MINK1: variants seen among roughly 807,000 people sequenced by gnomAD.
The protein encoded by MINK1 is misshapen-like kinase 1.
Under a neutral mutation model 178.4 loss-of-function variants are expected in MINK1, and 46 were observed. The observed-to-expected ratio is 0.26, with a 90% CI of 0.20 to 0.33. The LOEUF is 0.33. Ranked by LOEUF, MINK1 falls within the 10% of genes least tolerant of loss-of-function variation. The pLI, the probability that MINK1 is intolerant of heterozygous loss-of-function variation, is 1.00. For synonymous variants in MINK1, 797 were observed against 709.7 expected, an observed-to-expected ratio of 1.12 and a Z score of -1.96; for missense variants, 1,366 against 1,814.9, an observed-to-expected ratio of 0.75 and a Z score of 4.49.
chr17:4,860,414 C>G (rs556597687), intron 1 of MINK1, among the ~76,000 whole-genome samples: 1 of 152,206 alleles, frequency 6.6e-6, no homozygotes. Context: ...CAGTTCGTGT[C>G]CCAGCCTCCC....
rs1391163160 is a variant in MINK1, at chr17:4,896,173, TCTC to T, written c.3466-15_3466-13del. The stretch of plus-strand genomic sequence containing the variant: ...CTCTCCCCGTGCCCCTGAGCCCTCC[TCTC>T]CTCCGGTTCTCTGCAGTCCTTTGCC... On this transcript the variant is annotated splice_polypyrimidine_tract_variant and intron_variant, in intron 28 of 31. Coordinates refer to ENST00000355280, the MANE Select transcript of MINK1 (RefSeq NM_153827.5). The surrounding 1 kb of genome is among the most constrained non-coding windows in gnomAD (Gnocchi z 4.6). The T allele has an allele frequency of 6.2e-7, 1 of 1,600,028 alleles. No individual in the cohort carries two copies. The highest frequency in any genetic ancestry group is 8.5e-7 in the Non-Finnish European group (1 of 1,172,440).
intron 16 of MINK1, 127 bp downstream of exon 16, chr17:4,891,843 C>T (rs2151047950): frequency 7.4e-7 from 1 of 1,346,764 alleles, no homozygotes; most frequent in South Asian, 1.5e-5. Flanking sequence ...CAGGGCGCTG[C>T]CCTGCCGGGG....
In MINK1 at chr17:4,891,995, G is replaced by A. The variant is rs565143446; in HGVS notation, c.2002-154G>A. Among the ~76,000 whole-genome samples, 311 of 152,238 alleles carry A rather than the reference G, an allele frequency of 2.0e-3. 1 individual carries two copies. The highest frequency in any genetic ancestry group is 0.015 in the South Asian group (74 of 4,822). On this transcript the variant is annotated intron_variant, in intron 16 of 31. Coordinates refer to ENST00000355280, the MANE Select transcript of MINK1 (RefSeq NM_153827.5). The stretch of plus-strand genomic sequence containing the variant: ...TAGAACCGCAGCTCCACCATCATCC[G>A]GCTTCATAACCCTGGACGTATTCAC...
In MINK1 at chr17:4,896,804, G is replaced by A; in HGVS notation, c.3906G>A (p.Arg1302=). Residue 1302 remains arginine (R), a synonymous_variant, in exon 31 of 32, where the codon CGG becomes CGA. Coordinates refer to ENST00000355280, the MANE Select transcript of MINK1 (RefSeq NM_153827.5). This position sits in a 1 kb window ranked among gnomAD's most constrained non-coding sequence, Gnocchi z 4.6. The part of the protein sequence containing the change: ...RAQRLKFLCE[R]NDKVFFASVR... ...AGAGGCTCAAGTTCCTGTGTGAGCGGAATGACAAGGTGGGAGGCTCCTTCC... is the reference window on the plus strand; with the variant it reads ...AGAGGCTCAAGTTCCTGTGTGAGCGAAATGACAAGGTGGGAGGCTCCTTCC... 2 of 1,564,574 alleles carry A rather than the reference G, an allele frequency of 1.3e-6. No homozygotes were observed. Among genetic ancestry groups the A allele is most frequent in the Non-Finnish European group, 1.7e-6 (2 of 1,155,830 alleles).
At chr17:4,847,230 GTTCATTCATTCA>G (rs59076401) in intron 1 of MINK1, 16 of 461,002 alleles carry the variant, frequency 3.5e-5, no homozygotes, top group East Asian at 2.0e-4. Context: ...TTTGGTTCCA[GTTCATTCATTCA>G]TTCATTCATT....
At chr17:4,876,530 A>G (rs1261655484) in intron 1 of MINK1, among the ~76,000 whole-genome samples, 2 of 151,870 alleles carry the variant, frequency 1.3e-5, no homozygotes, top group Admixed American at 1.3e-4. Flanking sequence ...TGGGCTTATT[A>G]CTTCAGTGGA....
chr17:4,877,701 A>AC (rs1170673328), intron 1 of MINK1, among the ~76,000 whole-genome samples: 1 of 148,080 alleles, frequency 6.8e-6, no homozygotes, highest in Non-Finnish European at 1.5e-5. Flanking sequence ...GTACTCGGGC[A>AC]CCCTCATTTT....
intron 1 of MINK1, among the ~76,000 whole-genome samples, chr17:4,872,956 C>G (rs963115406): frequency 6.6e-6 from 1 of 152,198 alleles, no homozygotes; most frequent in Non-Finnish European, 1.5e-5. Context: ...CCCTCATTTC[C>G]TCAGCACAGC....
intron 1 of MINK1, among the ~76,000 whole-genome samples, chr17:4,862,032 A>G (rs563652108): frequency 2.0e-5 from 3 of 152,216 alleles, no homozygotes; most frequent in Non-Finnish European, 4.4e-5. Flanking sequence ...TTCTCATTCC[A>G]TGTATACCCA....
chr17:4,878,807 G>A (rs1967433365), intron 2 of MINK1, among the ~76,000 whole-genome samples: 1 of 152,214 alleles, frequency 6.6e-6, no homozygotes, highest in African/African-American at 2.4e-5. Flanking sequence ...AGGGGATGTG[G>A]CCTCTGCTCC....
chr17:4,843,529 T>C (rs1018118028), intron 1 of MINK1, among the ~76,000 whole-genome samples: 48 of 152,190 alleles, frequency 3.2e-4, no homozygotes, highest in African/African-American at 1.1e-3. Context: ...TGGTTGGTTC[T>C]AGTAAGTCCT....
intron 1 of MINK1, among the ~76,000 whole-genome samples, chr17:4,839,082 T>C (rs945439379): frequency 6.6e-6 from 1 of 152,180 alleles, no homozygotes; most frequent in South Asian, 2.1e-4. Context: ...TAGCTGGGAC[T>C]ATAGGCGCCC....
At chr17:4,857,328 C>A in intron 1 of MINK1, 1 of 167,304 alleles carries the variant, frequency 6.0e-6, no homozygotes. Flanking sequence ...GGCCATAGCA[C>A]CCGAGATGGT....
At chr17:4,889,603 C>G (rs1259532032) in intron 12 of MINK1, 44 bp from the exon 13 acceptor site, 4 of 1,497,982 alleles carry the variant, frequency 2.7e-6, no homozygotes, top group South Asian at 2.4e-5. Context: ...AGTGCTGACG[C>G]GATGTCCGGT....
chr17:4,845,748 G>A (rs1347770512), intron 1 of MINK1, among the ~76,000 whole-genome samples: 1 of 151,930 alleles, frequency 6.6e-6, no homozygotes, highest in African/African-American at 2.4e-5. Context: ...CGATTCTCCT[G>A]CCTCAGCCTC....
chr17:4,875,944 C>T lies in MINK1; in HGVS notation c.58-2373C>T, dbSNP rs1967144861. ...CCGAGTAGCTGTGAATATAGGTGCCCGCCACCACGCCCAGCTAATTTTTTG... is the reference window on the plus strand; with the variant it reads ...CCGAGTAGCTGTGAATATAGGTGCCTGCCACCACGCCCAGCTAATTTTTTG... On this transcript the variant is annotated intron_variant, in intron 1 of 31. Transcript: ENST00000355280. 2.0e-5 allele frequency among the ~76,000 whole-genome samples: 3 copies of T among 151,286 alleles called. No homozygotes were observed. The South Asian group carries it at 6.3e-4, about 32-fold the overall frequency.
chr17:4,886,873 A>G lies in MINK1; in HGVS notation c.950-237A>G, dbSNP rs1968254582. Among the ~76,000 whole-genome samples, 1 of 152,194 alleles carries G rather than the reference A, an allele frequency of 6.6e-6. No individual in the cohort carries two copies. The highest frequency in any genetic ancestry group is 2.4e-5 in the African/African-American group (1 of 41,438). On this transcript the variant is annotated intron_variant, in intron 10 of 31. Coordinates refer to ENST00000355280, the MANE Select transcript of MINK1 (RefSeq NM_153827.5). The surrounding 1 kb of genome is among the most constrained non-coding windows in gnomAD (Gnocchi z 6.1). The stretch of plus-strand genomic sequence containing the variant: ...CTTACAAAAACTCCATGCTAAGCAC[A>G]TGTGTGTGCGAGCACAAGCACAGGC...
At chr17:4,834,920 A>G (rs1909074522) in intron 1 of MINK1, 2 of 508,478 alleles carry the variant, frequency 3.9e-6, no homozygotes, top group Non-Finnish European at 7.9e-6. Flanking sequence ...TGAAGAGAGC[A>G]GAGTCATGTT....
At position 4,836,735 on chromosome 17, in the gene MINK1, C is replaced by G. The variant is rs1216608628; in HGVS notation, c.57+3095C>G. On this transcript the variant is annotated intron_variant, in intron 1 of 31. Coordinates refer to ENST00000355280, the MANE Select transcript of MINK1 (RefSeq NM_153827.5). This position sits in a 1 kb window ranked among gnomAD's most constrained non-coding sequence, Gnocchi z 4.3. The stretch of plus-strand genomic sequence containing the variant: ...TTTTATCAAATGGCAATCAGAGAAG[C>G]CTTCCAGGACAACTTTATCTAAAAT... Among the ~76,000 whole-genome samples the G allele has an allele frequency of 6.6e-6, 1 of 152,122 alleles. No homozygotes were observed. The highest frequency in any genetic ancestry group is 6.6e-5 in the Admixed American group (1 of 15,260).
Sources: gnomAD v4.1 joint callset for allele counts (sites outside exome capture counted in the v4.1 genomes callset) on GRCh38, gnomAD v4.1.1 for gene constraint, Gnocchi (gnomAD v3.1) non-coding constraint, MANE v1.5 for transcripts, NCBI Gene and HGNC (gene_info 2026-07-23, HGNC 2026-07-21) for gene names.